Variants in CHAF1B observed in about 807,000 individuals in gnomAD.
CHAF1B encodes the protein CAF-1 subunit B.
CHAF1B carries 10 observed loss-of-function variants against 60.7 expected under a neutral mutation model. That is an observed-to-expected ratio of 0.16 (90% CI 0.10 to 0.28). The LOEUF (loss-of-function observed/expected upper bound fraction) is 0.28, where lower values mean the gene tolerates loss of function less well. Ranked by LOEUF, CHAF1B falls within the 10% of genes least tolerant of loss-of-function variation. The probability of loss-of-function intolerance (pLI) is 1.00; values close to 1 mark genes in which losing one functional copy is unlikely to be tolerated. For missense variants in CHAF1B, 558 were observed against 708.4 expected, an observed-to-expected ratio of 0.79 and a Z score of 2.41; for synonymous variants, 261 against 266.1, an observed-to-expected ratio of 0.98 and a Z score of 0.19.
intron 8 of CHAF1B, among the ~76,000 whole-genome samples, chr21:36,405,657 C>T (rs961797004): frequency 6.6e-6 from 1 of 152,052 alleles, no homozygotes; most frequent in Non-Finnish European, 1.5e-5. Flanking sequence ...TCTTAAACTC[C>T]TGGGCTCAAG....
intron 13 of CHAF1B, 118 bp from the exon 14 acceptor site, chr21:36,416,157 T>C (rs1168082569): frequency 1.2e-6 from 1 of 835,250 alleles, no homozygotes; most frequent in Non-Finnish European, 1.9e-6. Flanking sequence ...ATTATATCAG[T>C]ATAGGATCTT....
intron 4 of CHAF1B, among the ~76,000 whole-genome samples, chr21:36,393,080 C>T (rs1045530010): frequency 2.6e-5 from 4 of 152,206 alleles, no homozygotes; most frequent in African/African-American, 9.6e-5. Flanking sequence ...GGCGTGGCGG[C>T]GTGCGCCTGC....
intron 8 of CHAF1B, 38 bp downstream of exon 8, chr21:36,402,889 C>G: frequency 1.3e-6 from 2 of 1,508,446 alleles, no homozygotes; most frequent in African/African-American, 1.4e-5. Context: ...GAATGATGGC[C>G]GAGTGGGGAT....
At position 36,408,797 on chromosome 21, in the gene CHAF1B, C is replaced by G; in HGVS notation, c.794C>G (p.Thr265Ser). The G allele has an allele frequency of 6.2e-7, 1 of 1,609,380 alleles. No individual in the cohort carries two copies. The highest frequency in any genetic ancestry group is 2.2e-5 in the East Asian group (1 of 44,844). ...CVESGENVMN[T>S]TYVFSRKNLK... The stretch of plus-strand genomic sequence containing the variant: ...GAATCTGGTGAAAATGTAATGAATA[C>G]CACTTATGTTTTCTCCAGGAAGAAT... The change falls in exon 9 of 14, where the codon ACC (threonine) becomes AGC (serine). Residue 265 changes from threonine to serine, a missense_variant. Physicochemically the swap from Thr to Ser is moderately conservative, Grantham distance 58 (BLOSUM62 1). Around this residue, in one of 2 missense-constraint regions of CHAF1B, gnomAD observed 325 missense variants for 493.5 expected, o/e 0.66. Transcript: ENST00000314103.
intron 8 of CHAF1B, among the ~76,000 whole-genome samples, chr21:36,407,078 G>C (rs2086243473): frequency 6.6e-6 from 1 of 152,110 alleles, no homozygotes; most frequent in Non-Finnish European, 1.5e-5. Context: ...AAGGTGGGTG[G>C]ATCACCTGAG....
chr21:36,400,459 G>A (rs921147926), intron 7 of CHAF1B, among the ~76,000 whole-genome samples: 1 of 151,966 alleles, frequency 6.6e-6, no homozygotes, highest in Admixed American at 6.6e-5. Flanking sequence ...TGACAAGAGC[G>A]AAACTCAGTC....
At chr21:36,400,458 C>T (rs990085124) in intron 7 of CHAF1B, among the ~76,000 whole-genome samples, 7 of 151,456 alleles carry the variant, frequency 4.6e-5, no homozygotes, top group African/African-American at 1.2e-4. Context: ...GTGACAAGAG[C>T]GAAACTCAGT....
chr21:36,387,465 C>T, intron 2 of CHAF1B, 133 bp from the exon 3 acceptor site: 1 of 1,072,886 alleles, frequency 9.3e-7, no homozygotes. Context: ...AAGTGATTTA[C>T]CCACCTTGGC....
At chr21:36,386,806 C>G (rs1009964400) in intron 2 of CHAF1B, among the ~76,000 whole-genome samples, 1 of 151,786 alleles carries the variant, frequency 6.6e-6, no homozygotes, top group Non-Finnish European at 1.5e-5. Context: ...CTCTGTCTCC[C>G]AGGTTCAAGC....
Position 36,387,726 on chromosome 21 carries a change from A to G in CHAF1B, c.255A>G (p.Gly85=). The change falls in exon 3 of 14, where the codon GGA becomes GGG. Residue 85 remains glycine, a synonymous_variant. Transcript: ENST00000314103. ...CTGGGGAAATTTTAGCATCGGGAGG[A>G]GATGGTGAGTATTGCTGTCCTTCAG... ...SPTGEILASG[G]DDAVILLWKV... 1 of 1,613,552 alleles carries G rather than the reference A, an allele frequency of 6.2e-7. No homozygotes were observed. Among genetic ancestry groups the G allele is most frequent in the Non-Finnish European group, 8.5e-7 (1 of 1,179,804 alleles).
At chr21:36,404,379 T>C (rs1601564782) in intron 8 of CHAF1B, among the ~76,000 whole-genome samples, 1 of 150,634 alleles carries the variant, frequency 6.6e-6, no homozygotes, top group East Asian at 2.0e-4. Context: ...GATTACAGGC[T>C]TGAGCCACCA....
At chr21:36,405,967 A>C (rs763557316) in intron 8 of CHAF1B, among the ~76,000 whole-genome samples, 26 of 152,114 alleles carry the variant, frequency 1.7e-4, no homozygotes, top group Non-Finnish European at 3.5e-4. Context: ...TAAAAAAAAA[A>C]CAGTGATACT....
At chr21:36,387,865 C>A in intron 3 of CHAF1B, 135 bp downstream of exon 3, 4 of 1,130,982 alleles carry the variant, frequency 3.5e-6, no homozygotes, top group Non-Finnish European at 3.8e-6. Flanking sequence ...GTTCCCCAGG[C>A]TGGAGTGCAG....
intron 4 of CHAF1B, among the ~76,000 whole-genome samples, 166 bp downstream of exon 4, chr21:36,391,834 G>A (rs2086091336): frequency 1.3e-5 from 2 of 151,062 alleles, no homozygotes; most frequent in South Asian, 4.2e-4. Flanking sequence ...GACTTCCCGG[G>A]CTCAAGTGAT....
intron 4 of CHAF1B, among the ~76,000 whole-genome samples, chr21:36,393,494 C>G (rs1016817408): frequency 2.8e-5 from 4 of 144,954 alleles, no homozygotes. Context: ...TCTTGTTGCC[C>G]AGGCTGGAGT....
At chr21:36,391,428 C>T in intron 3 of CHAF1B, 123 bp from the exon 4 acceptor site, 1 of 523,174 alleles carries the variant, frequency 1.9e-6, no homozygotes, top group East Asian at 3.8e-5. Context: ...TGCGCCACTG[C>T]ACTCCAGCCT....
chr21:36,388,501 C>G (rs2086054610), intron 3 of CHAF1B, among the ~76,000 whole-genome samples: 1 of 139,274 alleles, frequency 7.2e-6, no homozygotes, highest in East Asian at 2.3e-4. Context: ...GACAGTCTCA[C>G]TGTTATCTAG....
intron 6 of CHAF1B, among the ~76,000 whole-genome samples, chr21:36,399,157 C>G (rs2086166061): frequency 6.6e-6 from 1 of 151,844 alleles, no homozygotes; most frequent in African/African-American, 2.4e-5. Flanking sequence ...GCCTCAGCCT[C>G]CCGAGTAGCA....
At chr21:36,404,096 C>CT (rs938306527) in intron 8 of CHAF1B, among the ~76,000 whole-genome samples, 11,898 of 129,712 alleles carry the variant, frequency 0.092, 917 homozygotes, top group African/African-American at 0.16. Flanking sequence ...GTAATAAATC[C>CT]TTTTTTTTTT....
Sources: gnomAD v4.1 joint callset for allele counts (sites outside exome capture counted in the v4.1 genomes callset) on GRCh38, gnomAD v4.1.1 for gene constraint, gnomAD v4.1.1 regional missense constraint, MANE v1.5 for transcripts, NCBI Gene and HGNC (gene_info 2026-07-23, HGNC 2026-07-21) for gene names.